Variants in PEX5L observed in about 807,000 individuals in gnomAD.
PEX5L encodes peroxisomal biogenesis factor 5 like.
A neutral mutation model predicts 84.0 loss-of-function variants in PEX5L; 30 were observed. The ratio of observed to expected loss-of-function variants is 0.36; its 90% CI spans 0.27 to 0.48. The LOEUF is 0.48. Ranked by LOEUF, PEX5L falls within the 20% of genes least tolerant of loss-of-function variation. The pLI is 0.99. For missense variants in PEX5L, 533 were observed against 754.6 expected, an observed-to-expected ratio of 0.71 and a Z score of 3.44; for synonymous variants, 270 against 283.1, an observed-to-expected ratio of 0.95 and a Z score of 0.46.
In PEX5L at chr3:179,887,776, A is replaced by G; in HGVS notation, c.207T>C (p.Asn69=). 1 of 1,611,624 alleles carries G rather than the reference A, an allele frequency of 6.2e-7. No homozygotes were observed. Among genetic ancestry groups the G allele is most frequent in the Non-Finnish European group, 8.5e-7 (1 of 1,177,734 alleles). The stretch of plus-strand genomic sequence containing the variant: ...GGAGGGGTCTGCTTTCTTGTTGCTC[A>G]TTCACCAGCTGAGAACAAATGAACA... ...PLLTMTSQLV[N]EQQESRPLLS... Residue 69 remains asparagine (N), a synonymous_variant, in exon 4 of 15, where the codon AAT becomes AAC. Transcript: ENST00000467460.
chr3:179,832,865 CTAGT>C (rs201156986), intron 8 of PEX5L, among the ~76,000 whole-genome samples: 2 of 152,110 alleles, frequency 1.3e-5, no homozygotes, highest in Non-Finnish European at 2.9e-5. Context: ...ACCAACCTAC[CTAGT>C]TACTTACCTA....
At chr3:179,906,636 T>C (rs1763324629) in intron 2 of PEX5L, among the ~76,000 whole-genome samples, 1 of 152,220 alleles carries the variant, frequency 6.6e-6, no homozygotes, top group African/African-American at 2.4e-5. Context: ...TAACAAAAAA[T>C]GTAATACCAA....
intron 7 of PEX5L, among the ~76,000 whole-genome samples, chr3:179,867,485 T>C (rs999546753): frequency 1.3e-5 from 2 of 152,150 alleles, no homozygotes; most frequent in Non-Finnish European, 2.9e-5. Flanking sequence ...TCTTCGTGAC[T>C]TCCATCTTTG....
chr3:179,895,122 A>G (rs909154571), intron 3 of PEX5L, among the ~76,000 whole-genome samples: 3 of 152,156 alleles, frequency 2.0e-5, no homozygotes, highest in African/African-American at 7.2e-5. Flanking sequence ...TACTTTTAAA[A>G]AAGTAAAAGA....
At chr3:179,923,733 G>A (rs1326810850) in intron 2 of PEX5L, among the ~76,000 whole-genome samples, 6 of 152,260 alleles carry the variant, frequency 3.9e-5, no homozygotes, top group East Asian at 1.9e-4. Context: ...TTCCTCATCT[G>A]TAATATGAGC....
At position 179,840,676 on chromosome 3, in the gene PEX5L, G is replaced by A. The variant is rs1295363854; in HGVS notation, c.822+18386C>T. Among the ~76,000 whole-genome samples the A allele has an allele frequency of 2.0e-5, 3 of 152,130 alleles. No homozygotes were observed. In the East Asian group the frequency reaches 5.8e-4, roughly 29 times the overall value. ...GGATTAAGGTTTGAGCAGGGGGGAT[G>A]ATAGAGGTGGTTTGATTCCATTAGT... On this transcript the variant is annotated intron_variant, in intron 8 of 14. Transcript: ENST00000467460.
chr3:179,842,845 A>G (rs1737797463), intron 8 of PEX5L, among the ~76,000 whole-genome samples: 1 of 152,128 alleles, frequency 6.6e-6, no homozygotes, highest in Non-Finnish European at 1.5e-5. Flanking sequence ...TAGTAATGAG[A>G]AATCCTGCAT....
At chr3:179,823,625 TCA>T (rs1200123438) in intron 8 of PEX5L, among the ~76,000 whole-genome samples, 2 of 152,234 alleles carry the variant, frequency 1.3e-5, no homozygotes, top group Non-Finnish European at 2.9e-5. Flanking sequence ...CTTTTCAATT[TCA>T]GTTTCTCCAT....
chr3:180,033,506 C>G (rs982350194), intron 1 of PEX5L, among the ~76,000 whole-genome samples: 5 of 152,084 alleles, frequency 3.3e-5, no homozygotes, highest in Admixed American at 2.6e-4. Flanking sequence ...AATAAAACAG[C>G]TAGGTTAAGA....
intron 2 of PEX5L, among the ~76,000 whole-genome samples, chr3:179,955,132 T>C (rs1780162202): frequency 6.6e-6 from 1 of 152,206 alleles, no homozygotes; most frequent in Non-Finnish European, 1.5e-5. Flanking sequence ...TTAGATAATT[T>C]CTTCTTCCTG....
chr3:179,838,518 A>T (rs1266237848), intron 8 of PEX5L, among the ~76,000 whole-genome samples: 1 of 152,226 alleles, frequency 6.6e-6, no homozygotes, highest in Non-Finnish European at 1.5e-5. Context: ...ACTAGGAATT[A>T]AAATGTTTAG....
At chr3:179,828,382 G>A (rs1471331543) in intron 8 of PEX5L, among the ~76,000 whole-genome samples, 1 of 152,104 alleles carries the variant, frequency 6.6e-6, no homozygotes, top group Non-Finnish European at 1.5e-5. Flanking sequence ...TGAAAACCCA[G>A]ATTTCAGACA....
intron 14 of PEX5L, among the ~76,000 whole-genome samples, chr3:179,807,159 T>G (rs1237677282): frequency 6.6e-6 from 1 of 152,180 alleles, no homozygotes; most frequent in Non-Finnish European, 1.5e-5. Flanking sequence ...AGCCCAGTTG[T>G]GTTTTTTCTT....
chr3:179,901,868 T>A (rs1250258543), intron 2 of PEX5L: 1 of 152,238 alleles, frequency 6.6e-6, no homozygotes, highest in Non-Finnish European at 1.5e-5. Flanking sequence ...AGCAGTGCCA[T>A]TAACATTTAT....
intron 1 of PEX5L, among the ~76,000 whole-genome samples, chr3:179,979,680 A>G (rs554331998): frequency 6.6e-6 from 1 of 152,332 alleles, no homozygotes; most frequent in East Asian, 1.9e-4. Context: ...CCCCAACAGG[A>G]AAAAGGTAAA....
At chr3:179,947,770 G>GCC in intron 2 of PEX5L, among the ~76,000 whole-genome samples, 1 of 146,978 alleles carries the variant, frequency 6.8e-6, no homozygotes, top group East Asian at 2.0e-4. Context: ...GCAGTGGCAT[G>GCC]ATCTCCACTC....
At position 179,801,674 on chromosome 3, in the gene PEX5L, G is replaced by A; in HGVS notation, c.*154C>T. ...GTGCTTTTGGATCTGAACAGAGACTGGGCATTGTCCACAGGAATTAATTTC... is the reference window on the plus strand; with the variant it reads ...GTGCTTTTGGATCTGAACAGAGACTAGGCATTGTCCACAGGAATTAATTTC... On this transcript the variant is annotated 3_prime_UTR_variant, in exon 15 of 15. Coordinates refer to ENST00000467460, the MANE Select transcript of PEX5L (RefSeq NM_016559.3). The A allele has an allele frequency of 1.6e-6, 1 of 633,524 alleles. No homozygotes were observed. Among genetic ancestry groups the A allele is most frequent in the Non-Finnish European group, 2.8e-6 (1 of 357,302 alleles). 39.2% of individuals were successfully genotyped at this position (633,524 alleles called of 1,614,324 possible).
At position 179,921,123 on chromosome 3, in the gene PEX5L, G is replaced by A. The variant is rs566219052; in HGVS notation, c.94-22877C>T. Among the ~76,000 whole-genome samples the A allele has an allele frequency of 3.3e-5, 5 of 152,146 alleles. No homozygotes were observed. The East Asian group carries it at 9.7e-4, about 29-fold the overall frequency. Reference sequence around the variant, plus strand: ...TCTTCTAGGAAATTGTACCCTAAAAGGTGGTACTTGGTAACATAATGGATG... The same window carrying A: ...TCTTCTAGGAAATTGTACCCTAAAAAGTGGTACTTGGTAACATAATGGATG... On this transcript the variant is annotated intron_variant, in intron 2 of 14. Coordinates refer to ENST00000467460, the MANE Select transcript of PEX5L (RefSeq NM_016559.3).
intron 2 of PEX5L, among the ~76,000 whole-genome samples, chr3:179,953,333 A>G (rs1471299595): frequency 1.3e-5 from 2 of 152,344 alleles, no homozygotes; most frequent in Admixed American, 1.3e-4. Flanking sequence ...GAATGGGAGA[A>G]CATTTTTGCA....
Sources: allele counts gnomAD v4.1 joint callset (sites outside exome capture counted in the v4.1 genomes callset), GRCh38; gene constraint gnomAD v4.1.1; transcripts MANE v1.5; gene names NCBI Gene and HGNC (gene_info 2026-07-23, HGNC 2026-07-21).